The following PLCXD3 variants were observed in gnomAD, a reference collection of about 807,000 sequenced individuals.
PLCXD3 encodes phosphatidylinositol specific phospholipase C X domain containing 3.
Under a neutral mutation model 25.5 loss-of-function variants are expected in PLCXD3, and 19 were observed. The ratio of observed to expected loss-of-function variants is 0.75; its 90% CI spans 0.52 to 1.09. PLCXD3 has a LOEUF of 1.09. PLCXD3 is among the 50% of genes least tolerant of loss of function. The pLI is 0.00. For synonymous variants in PLCXD3, 174 were observed against 137.6 expected, an observed-to-expected ratio of 1.26 and a Z score of -1.85; for missense variants, 411 against 388.1, an observed-to-expected ratio of 1.06 and a Z score of -0.50.
intron 1 of PLCXD3, among the ~76,000 whole-genome samples, chr5:41,491,365 A>G (rs1459692932): frequency 2.0e-5 from 3 of 152,142 alleles, no homozygotes; most frequent in African/African-American, 7.2e-5. Flanking sequence ...TATATGGTCA[A>G]TTTTGGAATA....
At chr5:41,479,712 G>GGA (rs34722630) in intron 1 of PLCXD3, among the ~76,000 whole-genome samples, 12,466 of 149,230 alleles carry the variant, frequency 0.084, 631 homozygotes, top group South Asian at 0.17. Context: ...CTGCTGAGAG[G>GGA]GAGAGAGAGA....
intron 2 of PLCXD3, among the ~76,000 whole-genome samples, chr5:41,380,639 C>G (rs1745429867): frequency 6.6e-6 from 1 of 152,106 alleles, no homozygotes; most frequent in Admixed American, 6.6e-5. Context: ...CAAGGTCACA[C>G]ATACTATTTT....
intron 1 of PLCXD3, among the ~76,000 whole-genome samples, chr5:41,509,260 A>G (rs1435973471): frequency 6.6e-6 from 1 of 152,136 alleles, no homozygotes; most frequent in Non-Finnish European, 1.5e-5. Context: ...CGTTGAGTTT[A>G]ATAGCCCAGC....
chr5:41,364,281 G>A (rs762897927), intron 2 of PLCXD3, among the ~76,000 whole-genome samples: 7 of 152,144 alleles, frequency 4.6e-5, no homozygotes, highest in Non-Finnish European at 1.0e-4. Context: ...CCTGTTCAAG[G>A]ATAAGAATTC....
intron 1 of PLCXD3, among the ~76,000 whole-genome samples, chr5:41,487,750 C>T (rs1748551038): frequency 6.6e-6 from 1 of 151,694 alleles, no homozygotes; most frequent in African/African-American, 2.4e-5. Context: ...AGGAAGATGC[C>T]AACGAAATTT....
intron 1 of PLCXD3, among the ~76,000 whole-genome samples, chr5:41,391,580 C>T (rs913281154): frequency 6.6e-6 from 1 of 152,180 alleles, no homozygotes; most frequent in Non-Finnish European, 1.5e-5. Context: ...ACATCAAGGG[C>T]TTTGGGTGAG....
At chr5:41,491,877 A>T (rs1279829280) in intron 1 of PLCXD3, among the ~76,000 whole-genome samples, 3 of 151,916 alleles carry the variant, frequency 2.0e-5, no homozygotes, top group Middle Eastern at 3.4e-3. Flanking sequence ...ATGGGTCTTG[A>T]CTCTTTATCG....
rs70988847 is a variant in PLCXD3 at position 41,446,176 on chromosome 5, C to CAAAAAAAAA, written c.104-63651_104-63643dup. Among the ~76,000 whole-genome samples the CAAAAAAAAA allele has an allele frequency of 2.6e-3, 101 of 38,118 alleles. 18 individuals carry two copies. The highest frequency in any genetic ancestry group is 0.02 in the East Asian group (12 of 602). 25.0% of individuals were successfully genotyped at this position (38,118 alleles called of 152,430 possible). A position where few individuals can be genotyped will look rare whatever the true frequency, so the allele number is the denominator to read the frequency against. On this transcript the variant is annotated intron_variant, in intron 1 of 2. Transcript: ENST00000377801. ...TGGGCGACGGAGCCAGACTCCTTCT[C>CAAAAAAAAA]AAAAAAAAAAAAAAAAAAAAAAAAA...
At chr5:41,416,552 G>A (rs867465287) in intron 1 of PLCXD3, among the ~76,000 whole-genome samples, 3 of 152,196 alleles carry the variant, frequency 2.0e-5, no homozygotes, top group Non-Finnish European at 4.4e-5. Context: ...GGCCAAGTGA[G>A]TAAATGTTCC....
At chr5:41,452,868 T>C (rs1261440169) in intron 1 of PLCXD3, among the ~76,000 whole-genome samples, 1 of 152,086 alleles carries the variant, frequency 6.6e-6, no homozygotes, top group Non-Finnish European at 1.5e-5. Context: ...TTCTTGTTTT[T>C]CTTCGTTTTA....
chr5:41,510,412 C>A lies in PLCXD3; in HGVS notation c.103+12G>T. On this transcript the variant is annotated intron_variant, in intron 1 of 2. Coordinates refer to ENST00000377801, the MANE Select transcript of PLCXD3 (RefSeq NM_001005473.3). ...GCGCCGAGCGCCTAGCCCGCAGCCCCTGCGCGCCTACCTGGAATGGCTAAA... is the reference window on the plus strand; with the variant it reads ...GCGCCGAGCGCCTAGCCCGCAGCCCATGCGCGCCTACCTGGAATGGCTAAA... 1 of 1,602,716 alleles carries A rather than the reference C, an allele frequency of 6.2e-7. No homozygotes were observed.
At chr5:41,383,586 T>C (rs756519245) in intron 1 of PLCXD3, among the ~76,000 whole-genome samples, 12 of 152,078 alleles carry the variant, frequency 7.9e-5, no homozygotes, top group Non-Finnish European at 1.8e-4. Flanking sequence ...ATTTCATACA[T>C]TAGAGGGTAG....
intron 2 of PLCXD3, among the ~76,000 whole-genome samples, chr5:41,357,742 AAT>A (rs1744659126): frequency 1.3e-5 from 2 of 152,234 alleles, no homozygotes; most frequent in African/African-American, 4.8e-5. Flanking sequence ...TTCTAAAAAT[AAT>A]TATAGCCAAA....
At chr5:41,442,728 C>T (rs760857876) in intron 1 of PLCXD3, among the ~76,000 whole-genome samples, 5 of 152,086 alleles carry the variant, frequency 3.3e-5, no homozygotes, top group Non-Finnish European at 7.4e-5. Flanking sequence ...GGGGAAAGTC[C>T]GTAAAGTTTT....
At chr5:41,410,931 G>A (rs1580359085) in intron 1 of PLCXD3, among the ~76,000 whole-genome samples, 2 of 152,124 alleles carry the variant, frequency 1.3e-5, no homozygotes, top group East Asian at 3.9e-4. Flanking sequence ...CCTCCTGGTG[G>A]TGGCAGACCC....
At chr5:41,348,345 A>C (rs1333209185) in intron 2 of PLCXD3, among the ~76,000 whole-genome samples, 1 of 152,138 alleles carries the variant, frequency 6.6e-6, no homozygotes, top group Non-Finnish European at 1.5e-5. Flanking sequence ...TACAGCTGAG[A>C]ATTCTTGTCA....
At chr5:41,331,802 A>G (rs1475793814) in intron 2 of PLCXD3, among the ~76,000 whole-genome samples, 2 of 152,198 alleles carry the variant, frequency 1.3e-5, no homozygotes, top group African/African-American at 4.8e-5. Context: ...ATCTACAACT[A>G]TCTGATCTTT....
chr5:41,317,054 C>T (rs1000157176), intron 2 of PLCXD3, among the ~76,000 whole-genome samples: 10 of 152,184 alleles, frequency 6.6e-5, no homozygotes, highest in Admixed American at 2.0e-4. Flanking sequence ...CTGCATGAGA[C>T]CCAGTACTTT....
chr5:41,343,574 C>T (rs1744220756), intron 2 of PLCXD3, among the ~76,000 whole-genome samples: 2 of 152,098 alleles, frequency 1.3e-5, no homozygotes, highest in Admixed American at 1.3e-4. Flanking sequence ...ACAGGTACTA[C>T]TACTAAAATC....
Sources: gnomAD v4.1 joint callset for allele counts (sites outside exome capture counted in the v4.1 genomes callset) on GRCh38, gnomAD v4.1.1 for gene constraint, MANE v1.5 for transcripts, NCBI Gene and HGNC (gene_info 2026-07-23, HGNC 2026-07-21) for gene names.